Variants in SGCG observed in about 807,000 individuals in gnomAD.
The protein encoded by SGCG is sarcoglycan gamma.
In SGCG, 26 loss-of-function variants were observed where a neutral mutation model predicts 29.3. The ratio of observed to expected loss-of-function variants is 0.89; its 90% CI spans 0.65 to 1.23. The LOEUF (loss-of-function observed/expected upper bound fraction) is 1.23, where lower values mean the gene tolerates loss of function less well. Among genes scored for constraint, SGCG ranks in the 50% most tolerant of loss-of-function variants. SGCG has a pLI of 0.00. For missense variants in SGCG, 353 were observed against 356.0 expected (o/e 0.99, Z 0.07); for synonymous variants, 145 against 129.7 (o/e 1.12, Z -0.80).
rs146015508 is a variant in SGCG at position 23,234,483 on chromosome 13, A to ATTAT, written c.196-128_196-127insTTAT. ...ATTAAAGATGCAAAGTTTTAAATAC[A>ATTAT]CTAGGAGAAATGCAGAAAAGGTGGT... On this transcript the variant is annotated intron_variant, in intron 2 of 7. Coordinates refer to ENST00000218867, the MANE Select transcript of SGCG (RefSeq NM_000231.3). 10 of 305,794 alleles carry ATTAT rather than the reference A, an allele frequency of 3.3e-5. No individual in the cohort carries two copies. In the African/African-American group the frequency reaches 3.4e-4, roughly 11 times the overall value. 18.9% of individuals were successfully genotyped at this position (305,794 alleles called of 1,614,324 possible). A position where few individuals can be genotyped will look rare whatever the true frequency, so the allele number is the denominator to read the frequency against.
intron 1 of SGCG, among the ~76,000 whole-genome samples, chr13:23,193,111 A>T (rs1593165071): frequency 6.6e-6 from 1 of 152,350 alleles, no homozygotes; most frequent in East Asian, 1.9e-4. Context: ...AGGAGGACAG[A>T]GTGGTGGCCA....
At chr13:23,205,570 G>A (rs976829709) in intron 2 of SGCG, among the ~76,000 whole-genome samples, 1 of 152,106 alleles carries the variant, frequency 6.6e-6, no homozygotes, top group African/African-American at 2.4e-5. Context: ...TTTGTAAACG[G>A]TTTGACTGTA....
intron 4 of SGCG, among the ~76,000 whole-genome samples, chr13:23,252,951 G>T (rs1003125020): frequency 1.3e-5 from 2 of 152,124 alleles, no homozygotes; most frequent in African/African-American, 4.8e-5. Context: ...GTTTCCACTG[G>T]CCCTCCTCTC....
chr13:23,273,476 C>T lies in SGCG; in HGVS notation c.386-5883C>T, dbSNP rs371188328. ...CTGGGATTACAGATGTGAGCTACCA[C>T]GCCCAGCCAGTTGATATTTTTATTG... On this transcript the variant is annotated intron_variant, in intron 4 of 7. Transcript: ENST00000218867. 1.4e-4 allele frequency among the ~76,000 whole-genome samples: 21 copies of T among 152,284 alleles called. 1 individual carries two copies. The highest frequency in any genetic ancestry group is 3.4e-3 in the Middle Eastern group (1 of 294).
At chr13:23,264,520 T>C (rs1262576571) in intron 4 of SGCG, among the ~76,000 whole-genome samples, 1 of 152,148 alleles carries the variant, frequency 6.6e-6, no homozygotes, top group Non-Finnish European at 1.5e-5. Context: ...GTCTACAAAT[T>C]CAATGCAATT....
At chr13:23,292,868 G>T (rs961840690) in intron 5 of SGCG, among the ~76,000 whole-genome samples, 3 of 152,128 alleles carry the variant, frequency 2.0e-5, no homozygotes, top group Non-Finnish European at 4.4e-5. Context: ...ATTAAGCATA[G>T]CTCTGCTTGT....
chr13:23,243,107 A>G lies in SGCG; in HGVS notation c.298-7523A>G, dbSNP rs542727009. Among the ~76,000 whole-genome samples the G allele has an allele frequency of 2.7e-3, 413 of 152,310 alleles. 3 individuals carry two copies. The highest frequency in any genetic ancestry group is 9.5e-3 in the African/African-American group (394 of 41,558). On this transcript the variant is annotated intron_variant, in intron 3 of 7. Transcript: ENST00000218867. ...ATACAATTTTGTTGGTAATATAGATACAGAGTCAATTCTGCTCTGTCAATT... is the reference window on the plus strand; with the variant it reads ...ATACAATTTTGTTGGTAATATAGATGCAGAGTCAATTCTGCTCTGTCAATT...
At chr13:23,236,204 A>T (rs1235499121) in intron 3 of SGCG, among the ~76,000 whole-genome samples, 1 of 152,152 alleles carries the variant, frequency 6.6e-6, no homozygotes, top group Non-Finnish European at 1.5e-5. Context: ...TCCCTTTTGT[A>T]AAAGGGGAAG....
At chr13:23,277,463 G>A (rs1034546502) in intron 4 of SGCG, among the ~76,000 whole-genome samples, 41 of 151,776 alleles carry the variant, frequency 2.7e-4, no homozygotes, top group African/African-American at 9.7e-4. Context: ...CTTTATAACT[G>A]GCACTCTTGC....
chr13:23,314,402 A>ATATATATATATATATATATATG (rs1566044506), intron 6 of SGCG, among the ~76,000 whole-genome samples: 6 of 130,154 alleles, frequency 4.6e-5, no homozygotes, highest in African/African-American at 8.2e-5. Flanking sequence ...ATATATATAT[A>ATATATATATATATATATATATG]TATATAATCT....
chr13:23,237,368 C>G (rs1381318242), intron 3 of SGCG, among the ~76,000 whole-genome samples: 3 of 152,196 alleles, frequency 2.0e-5, no homozygotes, highest in Admixed American at 6.5e-5. Flanking sequence ...AAATGATCAT[C>G]TGTGAAGTTC....
chr13:23,279,523 A>G (rs1881221144), intron 5 of SGCG, 45 bp downstream of exon 5: 1 of 1,591,730 alleles, frequency 6.3e-7, no homozygotes, highest in Non-Finnish European at 8.6e-7. Context: ...TGGAGTACAC[A>G]TCTGCAAAAA....
At chr13:23,303,654 GT>G (rs1882257364) in intron 6 of SGCG, among the ~76,000 whole-genome samples, 1 of 152,306 alleles carries the variant, frequency 6.6e-6, no homozygotes, top group Admixed American at 6.5e-5. Context: ...CGTATCAGAG[GT>G]TTTTCAACTG....
chr13:23,187,735 C>T (rs1877048126), intron 1 of SGCG, among the ~76,000 whole-genome samples: 1 of 152,194 alleles, frequency 6.6e-6, no homozygotes. Flanking sequence ...TTGCTGCTGG[C>T]TCCTGACCTG....
chr13:23,169,453 G>A, the SGCG span, among the ~76,000 whole-genome samples: 2 of 151,796 alleles, frequency 1.3e-5, no homozygotes, highest in Non-Finnish European at 2.9e-5. Flanking sequence ...GGCCGAGGCG[G>A]GTGGATCACG....
intron 6 of SGCG, among the ~76,000 whole-genome samples, chr13:23,311,176 A>T (rs1265692909): frequency 6.6e-6 from 1 of 152,198 alleles, no homozygotes; most frequent in African/African-American, 2.4e-5. Context: ...CGAGTATTTT[A>T]AAATATATTA....
At position 23,236,274 on chromosome 13, in the gene SGCG, T is replaced by G. The variant is rs1203586727; in HGVS notation, c.297+1562T>G. Reference sequence around the variant, plus strand: ...TGGTCTTCTTTTTTCCCCAGAGTTGTGTTGGCTGATCTCCTGCCATATTTT... The same window carrying G: ...TGGTCTTCTTTTTTCCCCAGAGTTGGGTTGGCTGATCTCCTGCCATATTTT... On this transcript the variant is annotated intron_variant, in intron 3 of 7. Transcript: ENST00000218867. 2.0e-5 allele frequency among the ~76,000 whole-genome samples: 3 copies of G among 152,194 alleles called. No individual in the cohort carries two copies. The East Asian group carries it at 5.8e-4, about 29-fold the overall frequency.
At chr13:23,264,258 C>G (rs1486350976) in intron 4 of SGCG, among the ~76,000 whole-genome samples, 1 of 151,622 alleles carries the variant, frequency 6.6e-6, no homozygotes, top group Non-Finnish European at 1.5e-5. Flanking sequence ...TAAATGTACA[C>G]AAATTAGTAG....
chr13:23,297,699 TCA>T (rs1187199003), intron 6 of SGCG, among the ~76,000 whole-genome samples: 49 of 152,188 alleles, frequency 3.2e-4, no homozygotes, highest in Non-Finnish European at 8.8e-5. Context: ...CATGAACATG[TCA>T]CAGTGTTGCA....
Sources: allele counts gnomAD v4.1 joint callset (sites outside exome capture counted in the v4.1 genomes callset), GRCh38; gene constraint gnomAD v4.1.1; transcripts MANE v1.5; gene names NCBI Gene and HGNC (gene_info 2026-07-23, HGNC 2026-07-21).